Variants in LDAH observed in about 807,000 individuals in gnomAD.
LDAH encodes the protein lipid droplet-associated hydrolase.
In LDAH, 26 loss-of-function variants were observed where a neutral mutation model predicts 29.6. That is an observed-to-expected ratio of 0.88 (90% CI 0.64 to 1.22). LDAH has a LOEUF of 1.22. Among genes scored for constraint, LDAH ranks in the 50% most tolerant of loss-of-function variants. The probability of loss-of-function intolerance (pLI) is 0.00; values close to 1 mark genes in which losing one functional copy is unlikely to be tolerated. For missense variants in LDAH, 344 were observed against 387.3 expected (o/e 0.89, Z 0.94); for synonymous variants, 117 against 133.0 (o/e 0.88, Z 0.83).
intron 3 of LDAH, among the ~76,000 whole-genome samples, chr2:20,783,137 CTGT>C (rs1486656437): frequency 6.6e-6 from 1 of 152,058 alleles, no homozygotes; most frequent in Non-Finnish European, 1.5e-5. Context: ...AGCTATGTTT[CTGT>C]TGTTGATTTC....
intron 5 of LDAH, among the ~76,000 whole-genome samples, chr2:20,739,530 T>C (rs1420109916): frequency 6.6e-6 from 1 of 152,192 alleles, no homozygotes; most frequent in Non-Finnish European, 1.5e-5. Flanking sequence ...ATTTATTACT[T>C]CTATGATTTA....
intron 5 of LDAH, among the ~76,000 whole-genome samples, chr2:20,728,683 G>C (rs1280819033): frequency 2.0e-5 from 3 of 152,114 alleles, no homozygotes; most frequent in Admixed American, 6.5e-5. Flanking sequence ...GAGGGAAGAG[G>C]CTGGCTACTA....
chr2:20,717,564 A>G (rs1488953555), intron 5 of LDAH, among the ~76,000 whole-genome samples: 1 of 152,254 alleles, frequency 6.6e-6, no homozygotes, highest in Non-Finnish European at 1.5e-5. Context: ...ATGGACTCAC[A>G]GACAAACTGA....
At chr2:20,734,080 T>G (rs1666613106) in intron 5 of LDAH, among the ~76,000 whole-genome samples, 1 of 152,206 alleles carries the variant, frequency 6.6e-6, no homozygotes, top group Admixed American at 6.5e-5. Context: ...GGTAATTTTC[T>G]TTGCACTGAA....
In LDAH at chr2:20,798,531, G is replaced by T. The variant is rs192430336; in HGVS notation, c.154+2779C>A. The stretch of plus-strand genomic sequence containing the variant: ...AATATATAAGAAAGGAAATGCATGC[G>T]CAATTCCCTATAGGCTTAGCTATGT... On this transcript the variant is annotated intron_variant, in intron 2 of 6. Transcript: ENST00000237822. Among the ~76,000 whole-genome samples the T allele has an allele frequency of 6.7e-5, 10 of 150,312 alleles. No homozygotes were observed. The East Asian group carries it at 1.7e-3, about 26-fold the overall frequency.
intron 2 of LDAH, among the ~76,000 whole-genome samples, chr2:20,797,011 T>C (rs1178540732): frequency 6.6e-6 from 1 of 152,234 alleles, no homozygotes; most frequent in Non-Finnish European, 1.5e-5. Flanking sequence ...TGTTTCTACT[T>C]ATTTTCTCTA....
chr2:20,715,882 G>A (rs1558405364), intron 5 of LDAH, among the ~76,000 whole-genome samples: 3 of 151,882 alleles, frequency 2.0e-5, no homozygotes, highest in Admixed American at 2.0e-4. Flanking sequence ...AGTGAGAGAG[G>A]ACAAACAAAC....
At chr2:20,781,891 G>A (rs953116770) in intron 3 of LDAH, among the ~76,000 whole-genome samples, 2 of 152,148 alleles carry the variant, frequency 1.3e-5, no homozygotes, top group African/African-American at 4.8e-5. Flanking sequence ...AGGTAGCAAA[G>A]AACCCAGACT....
At chr2:20,746,671 T>C (rs1667589866) in intron 4 of LDAH, among the ~76,000 whole-genome samples, 1 of 152,042 alleles carries the variant, frequency 6.6e-6, no homozygotes, top group African/African-American at 2.4e-5. Flanking sequence ...TTTTCATTCT[T>C]CATATTGGTA....
At chr2:20,807,189 C>A (rs1036253131) in intron 1 of LDAH, among the ~76,000 whole-genome samples, 3 of 151,770 alleles carry the variant, frequency 2.0e-5, no homozygotes, top group Non-Finnish European at 2.9e-5. Context: ...AACAAACAAA[C>A]AAAAAAACCA....
chr2:20,753,117 G>A (rs527382884), intron 4 of LDAH, among the ~76,000 whole-genome samples: 2 of 152,272 alleles, frequency 1.3e-5, no homozygotes, highest in Admixed American at 1.3e-4. Context: ...TGTTTCCAGT[G>A]TAATATAATA....
rs1396448539 is a variant in LDAH, at chr2:20,686,875, G to A, written c.*28C>T. On this transcript the variant is annotated 3_prime_UTR_variant, in exon 7 of 7. Transcript: ENST00000237822. Reference sequence around the variant, plus strand: ...GTACACTGACTGCCTCCATGTACTGGCAGTGGGGGCTTGTTCCTCAGGCCA... The same window carrying A: ...GTACACTGACTGCCTCCATGTACTGACAGTGGGGGCTTGTTCCTCAGGCCA... 3 of 1,592,138 alleles carry A rather than the reference G, an allele frequency of 1.9e-6. No homozygotes were observed. The highest frequency in any genetic ancestry group is 8.6e-7 in the Non-Finnish European group (1 of 1,165,110).
intron 5 of LDAH, among the ~76,000 whole-genome samples, chr2:20,719,007 A>G (rs981491289): frequency 6.6e-6 from 1 of 152,076 alleles, no homozygotes; most frequent in Non-Finnish European, 1.5e-5. Context: ...TATGGGATAC[A>G]GCAAAAGTAG....
At chr2:20,789,393 T>C (rs1572635111) in intron 3 of LDAH, 1 of 1,460,206 alleles carries the variant, frequency 6.8e-7, no homozygotes, top group Non-Finnish European at 9.0e-7. Context: ...CAGTGCAGAC[T>C]GGACTGGACG....
intron 1 of LDAH, among the ~76,000 whole-genome samples, chr2:20,806,420 A>G (rs1672069343): frequency 6.6e-6 from 1 of 152,160 alleles, no homozygotes; most frequent in Non-Finnish European, 1.5e-5. Flanking sequence ...CTAGTATTAA[A>G]CCTACTTGGA....
At chr2:20,743,089 T>A (rs1448846557) in intron 4 of LDAH, among the ~76,000 whole-genome samples, 1 of 152,126 alleles carries the variant, frequency 6.6e-6, no homozygotes, top group Non-Finnish European at 1.5e-5. Flanking sequence ...ACCACTGATG[T>A]TCAAAGTGAT....
intron 6 of LDAH, 56 bp from the exon 7 acceptor site, chr2:20,687,150 A>C: frequency 3.4e-6 from 5 of 1,451,574 alleles, no homozygotes; most frequent in Non-Finnish European, 4.7e-6. Flanking sequence ...CCTGACACAG[A>C]TATGACACCA....
chr2:20,814,444 T>G (rs1373586963), intron 1 of LDAH, among the ~76,000 whole-genome samples: 2 of 152,268 alleles, frequency 1.3e-5, no homozygotes, highest in African/African-American at 2.4e-5. Context: ...GAGAAAGAAC[T>G]TTTTGATTTT....
chr2:20,698,240 C>T lies in LDAH; in HGVS notation c.786+3330G>A, dbSNP rs1663641978. The stretch of plus-strand genomic sequence containing the variant: ...CATCAAGACGAAGAAGACACAGCTC[C>T]TTACCTCAACGTGGGGAAAGGTGAA... On this transcript the variant is annotated intron_variant, in intron 6 of 6. Transcript: ENST00000237822. The surrounding 1 kb of genome is among the most constrained non-coding windows in gnomAD (Gnocchi z 4.4). Among the ~76,000 whole-genome samples, 1 of 152,210 alleles carries T rather than the reference C, an allele frequency of 6.6e-6. No individual in the cohort carries two copies. The highest frequency in any genetic ancestry group is 2.4e-5 in the African/African-American group (1 of 41,436).
Sources: gnomAD v4.1 joint callset for allele counts (sites outside exome capture counted in the v4.1 genomes callset) on GRCh38, gnomAD v4.1.1 for gene constraint, Gnocchi (gnomAD v3.1) non-coding constraint, MANE v1.5 for transcripts, NCBI Gene and HGNC (gene_info 2026-07-23, HGNC 2026-07-21) for gene names.